Variants in CCDC14 observed in about 807,000 individuals in gnomAD.
The protein encoded by CCDC14 is coiled-coil domain containing 14, also known as coiled-coil domain-containing protein 14.
Under a neutral mutation model 81.4 loss-of-function variants are expected in CCDC14, and 71 were observed. The observed-to-expected ratio is 0.87, with a 90% confidence interval of 0.72 to 1.06. The LOEUF (loss-of-function observed/expected upper bound fraction) is 1.06. CCDC14 is among the 50% of genes least tolerant of loss of function. The probability of loss-of-function intolerance (pLI) is 0.00; values close to 1 mark genes in which losing one functional copy is unlikely to be tolerated. For missense variants in CCDC14, 1,046 were observed against 1,047.3 expected, an observed-to-expected ratio of 1.00 and a Z score of 0.02; for synonymous variants, 332 against 364.8, an observed-to-expected ratio of 0.91 and a Z score of 1.03.
the CCDC14 span, among the ~76,000 whole-genome samples, chr3:123,887,491 A>C: frequency 5.5e-5 from 8 of 146,560 alleles, no homozygotes; most frequent in Admixed American, 1.4e-4. Flanking sequence ...AAAAAAAAAA[A>C]ACACAAAATA....
the CCDC14 span, among the ~76,000 whole-genome samples, chr3:123,892,255 A>G: frequency 6.6e-6 from 1 of 152,114 alleles, no homozygotes; most frequent in African/African-American, 2.4e-5. Context: ...CCAACACAAC[A>G]TGGAAGCTGC....
rs2036836921 is a variant in CCDC14 at position 123,948,912 on chromosome 3, A to C, written c.573T>G (p.His191Gln). 11 of 1,613,554 alleles carry C rather than the reference A, an allele frequency of 6.8e-6. 1 individual carries two copies. In the East Asian group the frequency reaches 2.5e-4, roughly 36 times the overall value. The change falls in exon 6 of 13, where the codon CAT becomes CAG. Residue 191 changes from histidine to glutamine, a missense_variant. Physicochemically the swap from His to Gln is conservative, Grantham distance 24. Coordinates refer to ENST00000409697, the MANE Select transcript of CCDC14 (RefSeq NM_001366335.1). ...CGTACTCACCAGAATGAGAGGGAGCATGGCATGGTACAGCAGGAATTCCAT... is the reference window on the plus strand; with the variant it reads ...CGTACTCACCAGAATGAGAGGGAGCCTGGCATGGTACAGCAGGAATTCCAT... ...IPNGIPAVPC[H>Q]APSHSESQAT...
At chr3:123,898,406 T>C (rs1250862051) in intron 5 of CCDC14, among the ~76,000 whole-genome samples, 2 of 152,196 alleles carry the variant, frequency 1.3e-5, no homozygotes, top group Non-Finnish European at 2.9e-5. Context: ...TGGCCCCTGG[T>C]AGGCTAAAAT....
intron 1 of CCDC14, among the ~76,000 whole-genome samples, chr3:123,960,028 T>C (rs890317216): frequency 3.9e-5 from 6 of 152,166 alleles, no homozygotes; most frequent in African/African-American, 1.4e-4. Flanking sequence ...AAAAGAAAAT[T>C]ATTTGGTGAA....
At chr3:123,908,816 A>G (rs77297128), downstream of CCDC14, among the ~76,000 whole-genome samples, 527 of 152,126 alleles carry the variant, frequency 3.5e-3, 4 homozygotes, top group South Asian at 0.011. Context: ...GGGAGGGGTG[A>G]TGTTAGAATA....
At chr3:123,933,018 G>A (rs1023851219) in intron 10 of CCDC14, among the ~76,000 whole-genome samples, 11 of 152,100 alleles carry the variant, frequency 7.2e-5, no homozygotes, top group African/African-American at 1.9e-4. Flanking sequence ...AGAATCACTT[G>A]AACCTTGGAG....
At chr3:123,895,220 C>T (rs2034041708), downstream of CCDC14, among the ~76,000 whole-genome samples, 2 of 152,172 alleles carry the variant, frequency 1.3e-5, no homozygotes, top group South Asian at 4.1e-4. Flanking sequence ...GATCTCCCAT[C>T]TGTCTATGCA....
At position 123,944,906 on chromosome 3, in the gene CCDC14, T is replaced by C; in HGVS notation, c.1286A>G (p.Gln429Arg). The C allele has an allele frequency of 6.2e-7, 1 of 1,612,092 alleles. No individual in the cohort carries two copies. The highest frequency in any genetic ancestry group is 2.2e-5 in the East Asian group (1 of 44,818). ...TTGCATGGCCAGTGCTATCTCAACT[T>C]GAATATCTGTGTTTCCACTTACTGT... is the stretch of plus-strand genomic sequence containing the variant. Reference protein sequence around the residue: ...LPTVSGNTDIQVEIALAMQPL... With the variant: ...LPTVSGNTDIRVEIALAMQPL... The change falls in exon 9 of 13, where the codon CAA (glutamine) becomes CGA (arginine). Residue 429 changes from glutamine (Q) to arginine (R), a missense_variant. Coordinates refer to ENST00000409697, the MANE Select transcript of CCDC14 (RefSeq NM_001366335.1).
At chr3:123,937,262 C>T (rs2036105847) in intron 9 of CCDC14, among the ~76,000 whole-genome samples, 1 of 151,998 alleles carries the variant, frequency 6.6e-6, no homozygotes, top group Non-Finnish European at 1.5e-5. Flanking sequence ...AACTGCCAAA[C>T]TTTTTTTCCA....
At chr3:123,956,187 A>G in intron 3 of CCDC14, 72 bp from the exon 4 acceptor site, 1 of 1,397,144 alleles carries the variant, frequency 7.2e-7, no homozygotes, top group Non-Finnish European at 9.7e-7. Context: ...TAAATTATGT[A>G]GTTTTAAAAT....
rs981795155 is a variant in CCDC14 at position 123,914,416 on chromosome 3, C to T, written c.*363G>A. ...CCTCTAGTTTCAACAGAAAAACTTA[C>T]ATCCAGAGATTCTTTTCCCATTATT... On this transcript the variant is annotated 3_prime_UTR_variant, in exon 13 of 13. Coordinates refer to ENST00000409697, the MANE Select transcript of CCDC14 (RefSeq NM_001366335.1). 1.0e-6 allele frequency: 1 copy of T among 987,914 alleles called. No individual in the cohort carries two copies. Among genetic ancestry groups the T allele is most frequent in the Non-Finnish European group, 1.2e-6 (1 of 832,048 alleles). 61.2% of individuals were successfully genotyped at this position (987,914 alleles called of 1,614,324 possible). A position where few individuals can be genotyped will look rare whatever the true frequency, so the allele number is the denominator to read the frequency against.
intron 12 of CCDC14, among the ~76,000 whole-genome samples, chr3:123,928,775 G>A (rs2035535289): frequency 6.6e-6 from 1 of 152,144 alleles, no homozygotes; most frequent in Non-Finnish European, 1.5e-5. Flanking sequence ...TTGTCACCAT[G>A]GCTAAAGCCA....
chr3:123,949,554 CA>C (rs1356676434), intron 5 of CCDC14: 2 of 154,690 alleles, frequency 1.3e-5, no homozygotes, highest in East Asian at 1.9e-4. Context: ...TCCTCAAAAA[CA>C]AAACAAAACA....
At chr3:123,921,986 A>G (rs2035074822) in intron 12 of CCDC14, among the ~76,000 whole-genome samples, 1 of 152,190 alleles carries the variant, frequency 6.6e-6, no homozygotes, top group South Asian at 2.1e-4. Context: ...TAGACCACAA[A>G]ATAAGTCTTA....
chr3:123,944,438 G>A (rs934671950), intron 9 of CCDC14, among the ~76,000 whole-genome samples: 1 of 152,092 alleles, frequency 6.6e-6, no homozygotes. Context: ...TTCATAAAAT[G>A]GAGGCAGTCT....
Position 123,931,246 on chromosome 3 carries a change from A to G in CCDC14, c.1646-12T>C, listed in dbSNP as rs2035683677. The G allele has an allele frequency of 2.5e-6, 4 of 1,595,186 alleles. No individual in the cohort carries two copies. The highest frequency in any genetic ancestry group is 1.4e-5 in the African/African-American group (1 of 73,634). On this transcript the variant is annotated splice_polypyrimidine_tract_variant and intron_variant, in intron 11 of 12. Coordinates refer to ENST00000409697, the MANE Select transcript of CCDC14 (RefSeq NM_001366335.1). ...GGCTTCCTCCAATTCTAAAACAACA[A>G]AAGTTTCAGTTTCCTTATTCCTTTT...
downstream of CCDC14, among the ~76,000 whole-genome samples, chr3:123,912,824 A>G (rs1367478119): frequency 2.0e-5 from 3 of 152,106 alleles, no homozygotes; most frequent in African/African-American, 7.2e-5. Context: ...GACATTCCAC[A>G]ACTGACCCAA....
In CCDC14 at chr3:123,914,874, G is replaced by A. The variant is rs777030806; in HGVS notation, c.2623C>T (p.Arg875Cys). The A allele has an allele frequency of 4.3e-6, 7 of 1,613,070 alleles. No homozygotes were observed. In the Admixed American group the frequency reaches 6.7e-5, roughly 15 times the overall value. Reference protein sequence around the residue: ...SISSFSTFTSRDEQDFRNGLA... With the variant: ...SISSFSTFTSCDEQDFRNGLA... ...CCATTTCTGAAGTCTTGTTCATCAC[G>A]AGAAGTGAACGTTGAAAACGAAGAG... The change falls in exon 13 of 13, where the codon CGT becomes TGT. Residue 875 changes from arginine to cysteine, a missense_variant. Transcript: ENST00000409697.
chr3:123,943,598 G>A (rs1468101683), intron 9 of CCDC14, among the ~76,000 whole-genome samples: 2 of 152,166 alleles, frequency 1.3e-5, no homozygotes, highest in Non-Finnish European at 2.9e-5. Flanking sequence ...CCCCAGAGAG[G>A]TCAAACAGAA....
Sources: allele counts gnomAD v4.1 joint callset (sites outside exome capture counted in the v4.1 genomes callset), GRCh38; gene constraint gnomAD v4.1.1; transcripts MANE v1.5; gene names NCBI Gene and HGNC (gene_info 2026-07-23, HGNC 2026-07-21).